FDFT1: variants seen among roughly 807,000 people sequenced by gnomAD.
FDFT1 encodes farnesyl-diphosphate farnesyltransferase 1, also known as squalene synthase.
In FDFT1, 68 loss-of-function variants were observed where a neutral mutation model predicts 46.8. The ratio of observed to expected loss-of-function variants is 1.45; its 90% CI spans 1.19 to 1.78. The LOEUF (loss-of-function observed/expected upper bound fraction) is 1.78, where lower values mean the gene tolerates loss of function less well. Ranked by LOEUF, FDFT1 falls within the 40% of genes most tolerant of loss-of-function variation. FDFT1 has a pLI of 0.00. For missense variants in FDFT1, 928 were observed against 524.4 expected, an observed-to-expected ratio of 1.77 and a Z score of -7.52; for synonymous variants, 351 against 185.1, an observed-to-expected ratio of 1.90 and a Z score of -7.28.
chr8:11,809,119 G>T (rs1807347159), intron 2 of FDFT1: 4 of 1,308,930 alleles, frequency 3.1e-6, no homozygotes, highest in Non-Finnish European at 3.9e-6. Flanking sequence ...GGGGGAGGGG[G>T]TGATGTTTAT....
chr8:11,802,131 G>A (rs1392096740), upstream of FDFT1: 1 of 454,072 alleles, frequency 2.2e-6, no homozygotes, highest in Non-Finnish European at 4.4e-6. Context: ...GGCAGCTGAA[G>A]CTCCAGGAGT....
At chr8:11,816,345 A>G (rs1229742456) in intron 3 of FDFT1, among the ~76,000 whole-genome samples, 4 of 152,220 alleles carry the variant, frequency 2.6e-5, no homozygotes, top group African/African-American at 2.4e-5. Context: ...TGTCTTGGCT[A>G]TGCAGGCTCT....
intron 3 of FDFT1, among the ~76,000 whole-genome samples, chr8:11,819,526 G>A (rs1396989243): frequency 2.0e-5 from 3 of 152,048 alleles, no homozygotes; most frequent in African/African-American, 7.2e-5. Context: ...CATATTTATT[G>A]AAGCCTTTGT....
chr8:11,837,048 A>G (rs1398901019), intron 7 of FDFT1, among the ~76,000 whole-genome samples: 2 of 152,224 alleles, frequency 1.3e-5, no homozygotes, highest in Non-Finnish European at 2.9e-5. Flanking sequence ...CTCCTGGCTG[A>G]ACCTGGAGCT....
chr8:11,815,762 G>A (rs1285593394), intron 3 of FDFT1, among the ~76,000 whole-genome samples: 1 of 152,074 alleles, frequency 6.6e-6, no homozygotes, highest in Non-Finnish European at 1.5e-5. Context: ...GTAGATTCTG[G>A]ATACTACCCT....
At chr8:11,811,275 G>A (rs114781197) in intron 3 of FDFT1, among the ~76,000 whole-genome samples, 1,806 of 152,256 alleles carry the variant, frequency 0.012, 44 homozygotes, top group African/African-American at 0.041. Flanking sequence ...TTCTGCTGAA[G>A]CAGAGGAAGT....
chr8:11,839,025 T>C lies in FDFT1; in HGVS notation c.*416T>C, dbSNP rs987716834. The C allele has an allele frequency of 5.8e-6, 1 of 173,342 alleles. No individual in the cohort carries two copies. The allele number at this position is 173,342 out of a possible 1,614,324, so 10.7% of individuals were successfully genotyped here. ...GAATTTTCTTTCTGTTCGGCTCCTA[T>C]TTTTCTCATCATTTTGTTTTCTTTA... On this transcript the variant is annotated 3_prime_UTR_variant, in exon 8 of 8. Transcript: ENST00000220584.
intron 5 of FDFT1, among the ~76,000 whole-genome samples, chr8:11,828,023 A>C (rs1029952597): frequency 6.6e-6 from 1 of 152,174 alleles, no homozygotes; most frequent in African/African-American, 2.4e-5. Flanking sequence ...CCAACATGGC[A>C]AAACTCCGTC....
chr8:11,812,426 A>T lies in FDFT1; in HGVS notation c.381+2576A>T, dbSNP rs547080369. 1.1e-4 allele frequency among the ~76,000 whole-genome samples: 16 copies of T among 152,248 alleles called. No homozygotes were observed. The South Asian group carries it at 3.3e-3, about 32-fold the overall frequency. ...AGGGCTGGGATATCCTCTCAAATGAATGTGAGGTGCCTCCCAGTGCTGGAG... is the reference window on the plus strand; with the variant it reads ...AGGGCTGGGATATCCTCTCAAATGATTGTGAGGTGCCTCCCAGTGCTGGAG... On this transcript the variant is annotated intron_variant, in intron 3 of 7. Transcript: ENST00000220584.
At chr8:11,801,314 T>G (rs557729991), upstream of FDFT1, among the ~76,000 whole-genome samples, 1 of 152,234 alleles carries the variant, frequency 6.6e-6, no homozygotes, top group African/African-American at 2.4e-5. Flanking sequence ...TGAACGTACC[T>G]GACAGGTTTC....
chr8:11,829,543 G>T (rs1009810754), intron 5 of FDFT1, among the ~76,000 whole-genome samples: 24 of 152,292 alleles, frequency 1.6e-4, no homozygotes, highest in African/African-American at 3.9e-4. Context: ...ATCTTGAGAA[G>T]GTTTACTGTT....
At chr8:11,798,686 G>A (rs1347806644), upstream of FDFT1, among the ~76,000 whole-genome samples, 2 of 152,186 alleles carry the variant, frequency 1.3e-5, no homozygotes, top group Admixed American at 6.5e-5. Context: ...ACTTTGCATT[G>A]TTTAGGCACC....
intron 2 of FDFT1, chr8:11,809,222 C>T: frequency 7.6e-6 from 9 of 1,176,498 alleles, no homozygotes; most frequent in Non-Finnish European, 9.5e-6. Flanking sequence ...CTATTTCTAG[C>T]ATATTGGGTT....
intron 1 of FDFT1, among the ~76,000 whole-genome samples, chr8:11,796,463 A>C (rs1219719604): frequency 6.6e-6 from 1 of 152,220 alleles, no homozygotes; most frequent in Non-Finnish European, 1.5e-5. Flanking sequence ...GAAAGTAAAG[A>C]TCAGCCCAAT....
At chr8:11,837,888 G>C (rs1250839255) in intron 7 of FDFT1, among the ~76,000 whole-genome samples, 1 of 152,132 alleles carries the variant, frequency 6.6e-6, no homozygotes. Context: ...TGGGGAGGGA[G>C]GCACAGGGAG....
chr8:11,828,292 AAAAC>A (rs139092530), intron 5 of FDFT1, among the ~76,000 whole-genome samples: 29,216 of 152,062 alleles, frequency 0.19, 3,257 homozygotes, highest in Middle Eastern at 0.27. Flanking sequence ...CCCTTGTCTC[AAAAC>A]AAACAAACAA....
At chr8:11,819,141 G>T (rs574381801) in intron 3 of FDFT1, among the ~76,000 whole-genome samples, 3 of 152,194 alleles carry the variant, frequency 2.0e-5, no homozygotes, top group Admixed American at 2.0e-4. Flanking sequence ...TGAGATTCTG[G>T]GTTGAAAATT....
chr8:11,805,148 C>G (rs1806668312), intron 1 of FDFT1, among the ~76,000 whole-genome samples: 1 of 151,668 alleles, frequency 6.6e-6, no homozygotes, highest in Admixed American at 6.6e-5. Flanking sequence ...AACTCCTGAG[C>G]TCAAGCGATT....
chr8:11,834,975 T>G (rs1366199987), intron 7 of FDFT1, among the ~76,000 whole-genome samples: 1 of 152,234 alleles, frequency 6.6e-6, no homozygotes, highest in Middle Eastern at 3.4e-3. Flanking sequence ...AATACAACAT[T>G]TAGCCAGGTG....
Sources: gnomAD v4.1 joint callset for allele counts (sites outside exome capture counted in the v4.1 genomes callset) on GRCh38, gnomAD v4.1.1 for gene constraint, MANE v1.5 for transcripts, NCBI Gene and HGNC (gene_info 2026-07-23, HGNC 2026-07-21) for gene names.